Variants in HSPA4 observed in about 807,000 individuals in gnomAD.
HSPA4 encodes heat shock 70 kDa protein 4.
Under a neutral mutation model 106.2 loss-of-function variants are expected in HSPA4, and 25 were observed. The ratio of observed to expected loss-of-function variants is 0.24; its 90% CI spans 0.17 to 0.33. The LOEUF is 0.33. Among genes scored for constraint, HSPA4 ranks in the 10% least tolerant of loss-of-function variants. HSPA4 has a pLI of 1.00. For synonymous variants in HSPA4, 332 were observed against 333.6 expected, an observed-to-expected ratio of 1.00 and a Z score of 0.05; for missense variants, 841 against 996.0, an observed-to-expected ratio of 0.84 and a Z score of 2.10.
At chr5:133,103,709 G>C (rs949905759) in intron 17 of HSPA4, among the ~76,000 whole-genome samples, 156 bp from the exon 18 acceptor site, 2 of 152,074 alleles carry the variant, frequency 1.3e-5, no homozygotes, top group African/African-American at 4.8e-5. Flanking sequence ...TTGTGGTTAG[G>C]TTTCTTTTGA....
chr5:133,086,801 T>G lies in HSPA4; in HGVS notation c.928T>G (p.Cys310Gly). Residue 310 changes from cysteine to glycine, a missense_variant, in exon 8 of 19, where the codon TGC becomes GGC. Cys to Gly is a radical substitution (Grantham distance 159). Transcript: ENST00000304858. ...TTATAGAGGCAAATTTCTGGAGATGTGCAATGATCTCTTAGCTAGAGTGGA... is the reference window on the plus strand; with the variant it reads ...TTATAGAGGCAAATTTCTGGAGATGGGCAATGATCTCTTAGCTAGAGTGGA... The part of the protein sequence containing the change: ...TMNRGKFLEM[C>G]NDLLARVEPP... 1 of 1,613,560 alleles carries G rather than the reference T, an allele frequency of 6.2e-7. No homozygotes were observed. Among genetic ancestry groups the G allele is most frequent in the Non-Finnish European group, 8.5e-7 (1 of 1,179,588 alleles).
chr5:133,053,088 C>T (rs1405260455), intron 1 of HSPA4: 1 of 152,230 alleles, frequency 6.6e-6, no homozygotes, highest in Non-Finnish European at 1.5e-5. Context: ...ATAATGCATT[C>T]TAACCAGTGT....
chr5:133,093,469 A>G lies in HSPA4; in HGVS notation c.1650+680A>G, dbSNP rs370848390. 3.3e-5 allele frequency among the ~76,000 whole-genome samples: 5 copies of G among 152,172 alleles called. No individual in the cohort carries two copies. In the East Asian group the frequency reaches 5.8e-4, roughly 18 times the overall value. On this transcript the variant is annotated intron_variant, in intron 13 of 18. Coordinates refer to ENST00000304858, the MANE Select transcript of HSPA4 (RefSeq NM_002154.4). ...ACTGAAAAAATTTTCAAAATCATCA[A>G]TGATCCATGCCTTTTACTTTTTAAT...
At position 133,099,534 on chromosome 5, in the gene HSPA4, TTTATCA is replaced by T. The variant is rs1765759298; in HGVS notation, c.1930-7_1930-2del. ...TGATTGACCTAATTATAATATTTTC[TTTATCA>T]TTAGGATCGTAACAGTTTTACTTTG... On this transcript the variant is annotated splice_region_variant and splice_polypyrimidine_tract_variant and intron_variant, in intron 15 of 18. Transcript: ENST00000304858. The T allele has an allele frequency of 2.1e-6, 3 of 1,398,676 alleles. No homozygotes were observed. The highest frequency in any genetic ancestry group is 3.0e-6 in the Non-Finnish European group (3 of 987,856). 86.6% of individuals were successfully genotyped at this position (1,398,676 alleles called of 1,614,324 possible). A position where few individuals can be genotyped will look rare whatever the true frequency, so the allele number is the denominator to read the frequency against.
Position 133,086,019 on chromosome 5 carries a change from G to C in HSPA4, c.909-763G>C, listed in dbSNP as rs898118354. ...TTCTTGTTATGTTCATTTCTCTGTA[G>C]ACCTAAAACATCTAAAAATGTGTAT... On this transcript the variant is annotated intron_variant, in intron 7 of 18. Transcript: ENST00000304858. Among the ~76,000 whole-genome samples, 4 of 152,146 alleles carry C rather than the reference G, an allele frequency of 2.6e-5. No homozygotes were observed. The East Asian group carries it at 7.7e-4, about 29-fold the overall frequency.
intron 7 of HSPA4, among the ~76,000 whole-genome samples, chr5:133,078,602 T>A (rs1004653956): frequency 7.2e-6 from 1 of 138,798 alleles, no homozygotes; most frequent in Non-Finnish European, 1.5e-5. Context: ...GCCACTGTAC[T>A]CTAGCTTGGG....
chr5:133,104,386 G>A lies in HSPA4; in HGVS notation c.2473G>A (p.Ala825Thr), dbSNP rs1581484666. The A allele has an allele frequency of 1.2e-6, 2 of 1,614,214 alleles. No homozygotes were observed. The highest frequency in any genetic ancestry group is 1.7e-6 in the Non-Finnish European group (2 of 1,180,042). Residue 825 changes from alanine (A) to threonine (T), a missense_variant, in exon 19 of 19, where the codon GCT becomes ACT. Physicochemically the swap from Ala to Thr is moderately conservative, Grantham distance 58. Transcript: ENST00000304858. The part of the protein sequence containing the change: ...PQAAEQGTDT[A>T]VPSDSDKKLP... ...GGCTGCTGAGCAGGGTACAGACACA[G>A]CTGTGCCTTCGGATTCAGACAAGAA...
intron 7 of HSPA4, among the ~76,000 whole-genome samples, chr5:133,084,074 A>G (rs7708697): frequency 0.023 from 3,449 of 152,288 alleles, 129 homozygotes; most frequent in African/African-American, 0.075. Flanking sequence ...TTATTATGAA[A>G]TAGACCATTA....
At chr5:133,052,534 A>G (rs375300624) in intron 1 of HSPA4, among the ~76,000 whole-genome samples, 177 bp downstream of exon 1, 2 of 152,272 alleles carry the variant, frequency 1.3e-5, no homozygotes, top group African/African-American at 2.4e-5. Context: ...GCGGCCCACT[A>G]TGAGCGTGGG....
rs1765416966 is a variant in HSPA4, at chr5:133,073,993, T to C, written c.530T>C (p.Val177Ala). Residue 177 changes from valine (V) to alanine (A), a missense_variant and splice_region_variant, in exon 6 of 19, where the codon GTT becomes GCT. Transcript: ENST00000304858. ...AATTTTTGTGTTTTTTCTTCTGTAG[T>C]TGCTCTTGCATATGGAATCTATAAG... ...CLRLMNETTAVALAYGIYKQD... is the reference protein window; with the variant it reads ...CLRLMNETTAAALAYGIYKQD... The C allele has an allele frequency of 6.4e-7, 1 of 1,561,544 alleles. No homozygotes were observed.
intron 1 of HSPA4, among the ~76,000 whole-genome samples, chr5:133,060,836 T>TC (rs1340043320): frequency 0.014 from 2,145 of 150,040 alleles, 47 homozygotes; most frequent in African/African-American, 0.047. Context: ...TTTTTTTTTT[T>TC]TGAGACAAGG....
chr5:133,096,740 A>G (rs552184954), intron 14 of HSPA4, among the ~76,000 whole-genome samples: 84 of 152,320 alleles, frequency 5.5e-4, no homozygotes, highest in African/African-American at 1.1e-3. Flanking sequence ...ATTTTTGTCT[A>G]TGAGGTTTCT....
intron 16 of HSPA4, among the ~76,000 whole-genome samples, chr5:133,101,374 AT>A (rs1359442104): frequency 6.6e-6 from 1 of 152,120 alleles, no homozygotes; most frequent in Non-Finnish European, 1.5e-5. Context: ...ATTTAACATT[AT>A]TTGTTAAATT....
rs924639638 is a variant in HSPA4 at position 133,105,161 on chromosome 5, T to G, written c.*725T>G. The G allele has an allele frequency of 2.0e-5, 3 of 152,182 alleles. No homozygotes were observed. The highest frequency in any genetic ancestry group is 2.9e-5 in the Non-Finnish European group (2 of 68,030). The allele number at this position is 152,182 out of a possible 1,614,324, so 9.4% of individuals were successfully genotyped here. On this transcript the variant is annotated 3_prime_UTR_variant, in exon 19 of 19. Transcript: ENST00000304858. ...AAGGTCTAAATAATTTTCAGAAGAT[T>G]AGAATTGGGTAGATATACTGTTGGA...
At chr5:133,078,616 C>G (rs1286527307) in intron 7 of HSPA4, among the ~76,000 whole-genome samples, 1 of 72,386 alleles carries the variant, frequency 1.4e-5, no homozygotes, top group South Asian at 4.4e-4. Context: ...GCTTGGGCAA[C>G]AAAGTGAGAC....
intron 1 of HSPA4, among the ~76,000 whole-genome samples, chr5:133,063,010 G>A (rs1765262863): frequency 6.6e-6 from 1 of 152,192 alleles, no homozygotes; most frequent in Non-Finnish European, 1.5e-5. Context: ...AGGAGTTCAG[G>A]GAGGATGAGA....
intron 18 of HSPA4, 82 bp downstream of exon 18, chr5:133,104,108 TTATTA>T: frequency 7.0e-7 from 1 of 1,424,474 alleles, no homozygotes; most frequent in Non-Finnish European, 9.7e-7. Context: ...GGAGGGAACT[TTATTA>T]TAGTGTTTTA....
rs1581480837 is a variant in HSPA4 at position 133,096,606 on chromosome 5, A to G, written c.1803+356A>G. On this transcript the variant is annotated intron_variant, in intron 14 of 18. Coordinates refer to ENST00000304858, the MANE Select transcript of HSPA4 (RefSeq NM_002154.4). ...TCATGGAAGTTATTCAGTAGGAGAAATCGTATGGCATTAATGGTGGCAGTA... is the reference window on the plus strand; with the variant it reads ...TCATGGAAGTTATTCAGTAGGAGAAGTCGTATGGCATTAATGGTGGCAGTA... Among the ~76,000 whole-genome samples the G allele has an allele frequency of 3.3e-5, 5 of 152,294 alleles. No homozygotes were observed. In the South Asian group the frequency reaches 8.3e-4, roughly 25 times the overall value.
chr5:133,099,799 TATC>T (rs1765762626), intron 16 of HSPA4, 147 bp downstream of exon 16: 1 of 440,292 alleles, frequency 2.3e-6, no homozygotes, highest in Non-Finnish European at 4.2e-6. Flanking sequence ...TTAGGCTCAT[TATC>T]ATTCTCACTT....
Sources: gnomAD v4.1 joint callset for allele counts (sites outside exome capture counted in the v4.1 genomes callset) on GRCh38, gnomAD v4.1.1 for gene constraint, MANE v1.5 for transcripts, NCBI Gene and HGNC (gene_info 2026-07-23, HGNC 2026-07-21) for gene names.